The following MUC6 variants were observed in gnomAD, a reference collection of about 807,000 sequenced individuals.
MUC6 encodes mucin 6, oligomeric mucus/gel-forming (gene/pseudogene), also known as mucin-6.
A neutral mutation model predicts 201.5 loss-of-function variants in MUC6; 188 were observed. That is an observed-to-expected ratio of 0.93 (90% CI 0.83 to 1.05). The LOEUF is 1.05. Among genes scored for constraint, MUC6 ranks in the 50% least tolerant of loss-of-function variants. The probability of loss-of-function intolerance (pLI) is 0.00; values close to 1 mark genes in which losing one functional copy is unlikely to be tolerated. For missense variants in MUC6, 2,706 were observed against 3,256.9 expected, an observed-to-expected ratio of 0.83 and a Z score of 4.12; for synonymous variants, 1,228 against 1,389.4, an observed-to-expected ratio of 0.88 and a Z score of 2.58.
In MUC6 at chr11:1,021,259, TG is replaced by T. The variant is rs754744756; in HGVS notation, c.3544del (p.Gln1182ArgfsTer42). 2 of 1,587,332 alleles carry T rather than the reference TG, an allele frequency of 1.3e-6. No homozygotes were observed. The highest frequency in any genetic ancestry group is 1.4e-5 in the African/African-American group (1 of 73,248). On this transcript the variant is annotated frameshift_variant, in exon 27 of 33. Coordinates refer to ENST00000421673, the MANE Select transcript of MUC6 (RefSeq NM_005961.3). LOFTEE classifies it high-confidence loss of function. Reference sequence around the variant, plus strand: ...CTCCTCGTGGTCGAAGTACTCATCCTGGGAGCAGTTGTAGCAGCCTAGGGTG... The same window carrying T: ...CTCCTCGTGGTCGAAGTACTCATCCTGGAGCAGTTGTAGCAGCCTAGGGTG... ...SNIEGCYNCS[Q>X]DEYFDHEEGV... is the part of the protein sequence containing the mutation.
At position 1,029,318 on chromosome 11, in the gene MUC6, T is replaced by C. The variant is rs1214343224; in HGVS notation, c.1185A>G (p.Gly395=). ...AGGAGCCACCTTCCAGGGAGCAGTG[T>C]CCGGGGCACGGCCGCTCCGTGCACA... ...RWVCTERPCP[G]HCSLEGGSFV... is the part of the protein sequence containing the mutation. The change falls in exon 10 of 33, where the codon GGA becomes GGG. Residue 395 remains glycine (G), a synonymous_variant. Transcript: ENST00000421673. 2.5e-6 allele frequency: 4 copies of C among 1,605,774 alleles called. No homozygotes were observed. The South Asian group carries it at 3.3e-5, about 13-fold the overall frequency.
chr11:1,014,188 C>G (rs754194645), intron 31 of MUC6, among the ~76,000 whole-genome samples, 187 bp from the exon 32 acceptor site: 17 of 152,224 alleles, frequency 1.1e-4, no homozygotes, highest in Non-Finnish European at 2.1e-4. Context: ...CAGCCGCATC[C>G]TAGTTTGTTT....
chr11:1,024,741 A>C, intron 24 of MUC6, 103 bp downstream of exon 24: 1 of 1,478,174 alleles, frequency 6.8e-7, no homozygotes, highest in Non-Finnish European at 9.0e-7. Flanking sequence ...CTGGTCTGGG[A>C]TCCCACGGAG....
rs1437607522 is a variant in MUC6, at chr11:1,033,078, G to T, written c.53-3C>A. 2.5e-6 allele frequency: 4 copies of T among 1,613,288 alleles called. No individual in the cohort carries two copies. The highest frequency in any genetic ancestry group is 3.4e-6 in the Non-Finnish European group (4 of 1,179,396). On this transcript the variant is annotated splice_polypyrimidine_tract_variant and splice_region_variant and intron_variant, in intron 1 of 32. Coordinates refer to ENST00000421673, the MANE Select transcript of MUC6 (RefSeq NM_005961.3). The surrounding 1 kb of genome is among the most constrained non-coding windows in gnomAD (Gnocchi z 5.6). ...GGTGTAGGAGGTGTTAGCCAGACCT[G>T]TGTGGACGGGACCCGCAGTCGGTGT...
chr11:1,032,962 A>G (rs1333128931), intron 2 of MUC6, 51 bp downstream of exon 2: 2 of 1,523,532 alleles, frequency 1.3e-6, no homozygotes, highest in Non-Finnish European at 1.8e-6. Context: ...TCTCCTGCAC[A>G]CCGGGCCTGG....
chr11:1,015,758 T>G lies in MUC6; in HGVS notation c.7039+4A>C. The G allele has an allele frequency of 6.5e-7, 1 of 1,528,338 alleles. No homozygotes were observed. The allele number at this position is 1,528,338 out of a possible 1,614,324, so 94.7% of individuals were successfully genotyped here. A position where few individuals can be genotyped will look rare whatever the true frequency, so the allele number is the denominator to read the frequency against. The stretch of plus-strand genomic sequence containing the variant: ...AGGAGAAGGGCCACAGAGATGCCAC[T>G]TACCGGGTGAGGTGGGCGTAGGTGT... On this transcript the variant is annotated splice_donor_region_variant and intron_variant, in intron 31 of 32. Coordinates refer to ENST00000421673, the MANE Select transcript of MUC6 (RefSeq NM_005961.3).
rs946329195 is a variant in MUC6 at position 1,025,802 on chromosome 11, C to A, written c.2799+3G>T. ...CCCTGCCAGAGTCTGCCCGGCTGCT[C>A]ACCCCCAGGAAGATCTTGATGGCCC... On this transcript the variant is annotated splice_donor_region_variant and intron_variant, in intron 22 of 32. Coordinates refer to ENST00000421673, the MANE Select transcript of MUC6 (RefSeq NM_005961.3). The A allele has an allele frequency of 6.2e-6, 10 of 1,610,290 alleles. No individual in the cohort carries two copies. In the African/African-American group the frequency reaches 1.3e-4, roughly 22 times the overall value.
chr11:1,035,639 A>C (rs1363445130), intron 1 of MUC6, among the ~76,000 whole-genome samples: 2 of 139,696 alleles, frequency 1.4e-5, no homozygotes, highest in East Asian at 4.4e-4. Flanking sequence ...GCTTCAAAGG[A>C]GAGAAGGGGT....
rs1424214964 is a variant in MUC6, at chr11:1,028,525, C to G, written c.1591+121G>C. ...CGTGGGCCACACGTGCCTGTTACCCCTGGGGGCTCCCCGGACACAGAGGGT... is the reference window on the plus strand; with the variant it reads ...CGTGGGCCACACGTGCCTGTTACCCGTGGGGGCTCCCCGGACACAGAGGGT... On this transcript the variant is annotated intron_variant, in intron 13 of 32. Transcript: ENST00000421673. The G allele has an allele frequency of 2.6e-6, 4 of 1,535,964 alleles. No individual in the cohort carries two copies. The African/African-American group carries it at 5.5e-5, about 21-fold the overall frequency.
Position 1,033,114 on chromosome 11 carries a change from C to T in MUC6, c.53-39G>A, listed in dbSNP as rs746679848. 119 of 1,604,468 alleles carry T rather than the reference C, an allele frequency of 7.4e-5. 1 individual carries two copies. The highest frequency in any genetic ancestry group is 9.0e-5 in the Non-Finnish European group (106 of 1,171,792). On this transcript the variant is annotated intron_variant, in intron 1 of 32. Coordinates refer to ENST00000421673, the MANE Select transcript of MUC6 (RefSeq NM_005961.3). The surrounding 1 kb of genome is among the most constrained non-coding windows in gnomAD (Gnocchi z 5.6). ...ACCCGCAGTCGGTGTGGGGCTACCC[C>T]GTCGTCCCTGAGGGCGCCGCTCACC... is the stretch of plus-strand genomic sequence containing the variant.
chr11:1,019,379 G>T lies in MUC6; in HGVS notation c.3926C>A (p.Thr1309Lys), dbSNP rs527700216. The change falls in exon 30 of 33, where the codon ACG becomes AAG. Residue 1309 changes from threonine (T) to lysine (K), a missense_variant. Around this residue, in one of 10 missense-constraint regions of MUC6, gnomAD observed 1,850 missense variants for 1,958.3 expected, o/e 0.94. Coordinates refer to ENST00000421673, the MANE Select transcript of MUC6 (RefSeq NM_005961.3). Reference sequence around the variant, plus strand: ...CGTGGCTGGGCTGGCGGTCGACGCCGTGGCCCTGGTTGTGGCCTGGGTCAC... The same window carrying T: ...CGTGGCTGGGCTGGCGGTCGACGCCTTGGCCCTGGTTGTGGCCTGGGTCAC... ...PTVTQATTRATASTASPATTS... is the reference protein window; with the variant it reads ...PTVTQATTRAKASTASPATTS... 24 of 1,613,634 alleles carry T rather than the reference G, an allele frequency of 1.5e-5. No individual in the cohort carries two copies. In the South Asian group the frequency reaches 2.6e-4, roughly 18 times the overall value.
rs758383947 is a variant in MUC6, at chr11:1,031,775, G to A, written c.356+38C>T. On this transcript the variant is annotated intron_variant, in intron 3 of 32. Transcript: ENST00000421673. ...GTCGGTGGTCGATCCTCAGTCCTCCGGCCCCCGAGCCCCCGGGCCCCGGCC... is the reference window on the plus strand; with the variant it reads ...GTCGGTGGTCGATCCTCAGTCCTCCAGCCCCCGAGCCCCCGGGCCCCGGCC... 1.4e-5 allele frequency: 21 copies of A among 1,554,258 alleles called. No individual in the cohort carries two copies. In the African/African-American group the frequency reaches 1.4e-4, roughly 10 times the overall value.
rs1856514761 is a variant in MUC6 at position 1,013,137 on chromosome 11, G to T, written c.*319C>A. ...GGGTTCTGGGCCCAGCAGGGCTGGG[G>T]CCAAGTTCAGGGGCTGGGAGGTGTT... On this transcript the variant is annotated 3_prime_UTR_variant, in exon 33 of 33. Coordinates refer to ENST00000421673, the MANE Select transcript of MUC6 (RefSeq NM_005961.3). The T allele has an allele frequency of 7.3e-6, 3 of 409,214 alleles. No individual in the cohort carries two copies. In the South Asian group the frequency reaches 1.3e-4, roughly 17 times the overall value. 25.3% of individuals were successfully genotyped at this position (409,214 alleles called of 1,614,324 possible).
In MUC6 at chr11:1,031,062, G is replaced by T; in HGVS notation, c.575-6C>A. 6.4e-7 allele frequency: 1 copy of T among 1,559,374 alleles called. No homozygotes were observed. The highest frequency in any genetic ancestry group is 8.7e-7 in the Non-Finnish European group (1 of 1,153,242). On this transcript the variant is annotated splice_polypyrimidine_tract_variant and splice_region_variant and intron_variant, in intron 5 of 32. Coordinates refer to ENST00000421673, the MANE Select transcript of MUC6 (RefSeq NM_005961.3). ...GTGGGGTTCCAGGAACTTGCCTGGG[G>T]TGCAGAATGGGGGTCAGCACCGTGG...
chr11:1,015,396 G>A (rs539077664), intron 31 of MUC6, among the ~76,000 whole-genome samples: 5 of 152,352 alleles, frequency 3.3e-5, no homozygotes, highest in Admixed American at 2.0e-4. Context: ...GGTTGGGCCA[G>A]CCCTGACATC....
At chr11:1,021,368 C>CTTTTTT (rs541461716) in intron 26 of MUC6, 91 bp from the exon 27 acceptor site, 5 of 449,214 alleles carry the variant, frequency 1.1e-5, no homozygotes, top group Non-Finnish European at 1.4e-5. Context: ...TTCCTCTCTG[C>CTTTTTT]TTTTTTTTTT....
At chr11:1,027,888 T>C in intron 15 of MUC6, 71 bp from the exon 16 acceptor site, 3 of 1,572,040 alleles carry the variant, frequency 1.9e-6, no homozygotes, top group Non-Finnish European at 1.7e-6. Flanking sequence ...CCCAAACCTA[T>C]GCCCTTGGGT....
In MUC6 at chr11:1,029,485, CCTCA is replaced by C. The variant is rs1857051053; in HGVS notation, c.1136+6_1136+9del. 3.1e-6 allele frequency: 5 copies of C among 1,611,526 alleles called. No individual in the cohort carries two copies. The highest frequency in any genetic ancestry group is 1.7e-5 in the Admixed American group (1 of 59,866). On this transcript the variant is annotated splice_donor_region_variant and intron_variant, in intron 9 of 32. Transcript: ENST00000421673. The stretch of plus-strand genomic sequence containing the variant: ...CGGCCGGCCAGAGCCCCCTCCGGCG[CCTCA>C]CTCACCAGGTTTGGCAGGCAGCTAT...
intron 8 of MUC6, 68 bp from the exon 9 acceptor site, chr11:1,029,683 C>T: frequency 6.7e-7 from 1 of 1,494,892 alleles, no homozygotes; most frequent in South Asian, 1.4e-5. Flanking sequence ...TCCCTGGCTC[C>T]AGGGAGACGC....
Sources: gnomAD v4.1 joint callset for allele counts (sites outside exome capture counted in the v4.1 genomes callset) on GRCh38, gnomAD v4.1.1 for gene constraint, gnomAD v4.1.1 regional missense constraint, Gnocchi (gnomAD v3.1) non-coding constraint, MANE v1.5 for transcripts, NCBI Gene and HGNC (gene_info 2026-07-23, HGNC 2026-07-21) for gene names.